Variants in PPP2R2B observed in about 807,000 individuals in gnomAD.
PPP2R2B encodes the protein serine/threonine-protein phosphatase 2A 55 kDa regulatory subunit B beta isoform.
PPP2R2B carries 5 observed loss-of-function variants against 46.0 expected under a neutral mutation model. That is an observed-to-expected ratio of 0.11 (90% CI 0.06 to 0.23). PPP2R2B has a LOEUF of 0.23. Among genes scored for constraint, PPP2R2B ranks in the 10% least tolerant of loss-of-function variants. The probability of loss-of-function intolerance (pLI) is 1.00; values close to 1 mark genes in which losing one functional copy is unlikely to be tolerated. For missense variants in PPP2R2B, 367 were observed against 575.0 expected, an observed-to-expected ratio of 0.64 and a Z score of 3.70; for synonymous variants, 215 against 206.7, an observed-to-expected ratio of 1.04 and a Z score of -0.34.
At chr5:146,749,063 C>G (rs766245767) in intron 2 of PPP2R2B, among the ~76,000 whole-genome samples, 5 of 152,178 alleles carry the variant, frequency 3.3e-5, no homozygotes, top group Admixed American at 6.5e-5. Flanking sequence ...ACTTTCTCTG[C>G]ATTCCAGCAC....
intron 1 of PPP2R2B, among the ~76,000 whole-genome samples, chr5:147,015,052 T>C (rs1210564055): frequency 1.3e-5 from 2 of 152,098 alleles, no homozygotes; most frequent in Admixed American, 6.6e-5. Flanking sequence ...AACCTGTATA[T>C]AGCAGGTAAT....
At chr5:146,901,763 T>C (rs986681256) in intron 1 of PPP2R2B, among the ~76,000 whole-genome samples, 1 of 152,038 alleles carries the variant, frequency 6.6e-6, no homozygotes, top group African/African-American at 2.4e-5. Context: ...ATACTTTCCA[T>C]TGAGGTAACA....
At chr5:146,944,185 C>T (rs371784848) in intron 1 of PPP2R2B, among the ~76,000 whole-genome samples, 3 of 152,114 alleles carry the variant, frequency 2.0e-5, no homozygotes, top group East Asian at 3.9e-4. Flanking sequence ...AAGTGCAATA[C>T]GCTGAGACGT....
chr5:146,965,010 A>G (rs954935428), intron 1 of PPP2R2B, among the ~76,000 whole-genome samples: 1 of 152,136 alleles, frequency 6.6e-6, no homozygotes, highest in African/African-American at 2.4e-5. Flanking sequence ...CTAGCATACC[A>G]TCACCTAAAC....
intron 2 of PPP2R2B, among the ~76,000 whole-genome samples, chr5:146,853,310 T>C (rs563363983): frequency 6.6e-6 from 1 of 152,290 alleles, no homozygotes; most frequent in African/African-American, 2.4e-5. Context: ...CAGTTTAAAA[T>C]GCATAATGAT....
chr5:146,706,495 T>C (rs1779862649), intron 2 of PPP2R2B: 10 of 1,196,630 alleles, frequency 8.4e-6, no homozygotes, highest in Non-Finnish European at 1.1e-5. Flanking sequence ...TTGATGTTCA[T>C]CAGCTTCTGG....
chr5:146,590,385 G>GTTTTTTTGTGTGTTTTTTT (rs1561746750), intron 9 of PPP2R2B, among the ~76,000 whole-genome samples, 159 bp from the exon 10 acceptor site: 1 of 117,732 alleles, frequency 8.5e-6, no homozygotes, highest in African/African-American at 3.0e-5. Flanking sequence ...TTGGCTTTTT[G>GTTTTTTTGTGTGTTTTTTT]TTTTTTTTTT....
intron 1 of PPP2R2B, among the ~76,000 whole-genome samples, chr5:146,965,717 C>T (rs1167164453): frequency 6.6e-6 from 1 of 152,072 alleles, no homozygotes; most frequent in Admixed American, 6.5e-5. Flanking sequence ...AATATAATGC[C>T]CTAATATCAG....
intron 2 of PPP2R2B, chr5:146,707,464 GA>G (rs1779933783): frequency 1.3e-6 from 1 of 755,918 alleles, no homozygotes; most frequent in Non-Finnish European, 2.5e-6. Context: ...GGCCACCCCG[GA>G]AGCTGCTGCT....
intron 1 of PPP2R2B, among the ~76,000 whole-genome samples, chr5:146,930,537 T>A (rs1763935525): frequency 6.6e-6 from 1 of 152,092 alleles, no homozygotes; most frequent in African/African-American, 2.4e-5. Context: ...ATGATCACAG[T>A]TCTACAATTC....
intron 2 of PPP2R2B, among the ~76,000 whole-genome samples, chr5:146,711,874 G>T (rs1217154674): frequency 2.6e-5 from 4 of 152,074 alleles, no homozygotes; most frequent in Non-Finnish European, 5.9e-5. Flanking sequence ...TTAAGTCAAA[G>T]AATTTTTTTT....
rs144001387 is a variant in PPP2R2B, at chr5:146,958,833, A to G, written c.79+96832T>C. On this transcript the variant is annotated intron_variant, in intron 1 of 8. Coordinates refer to the PPP2R2B transcript ENST00000336640. ...TGTGTGAACTTAGCTCTTTGTATGTATTAACCAATTTAAACCTCACAACAA... is the reference window on the plus strand; with the variant it reads ...TGTGTGAACTTAGCTCTTTGTATGTGTTAACCAATTTAAACCTCACAACAA... 5.2e-3 allele frequency among the ~76,000 whole-genome samples: 792 copies of G among 152,294 alleles called. 3 individuals are homozygous for G. The highest frequency in any genetic ancestry group is 0.018 in the African/African-American group (751 of 41,562).
At chr5:147,039,050 T>C (rs905232229) in intron 1 of PPP2R2B, among the ~76,000 whole-genome samples, 5 of 152,194 alleles carry the variant, frequency 3.3e-5, no homozygotes, top group Non-Finnish European at 7.4e-5. Context: ...ATTGAATTTA[T>C]TCCAGCCTTT....
intron 2 of PPP2R2B, among the ~76,000 whole-genome samples, chr5:146,744,904 GC>G (rs1368404744): frequency 3.3e-5 from 5 of 152,058 alleles, no homozygotes; most frequent in Non-Finnish European, 5.9e-5. Flanking sequence ...TCTGGGGGTG[GC>G]CTGTAAACCA....
At chr5:146,812,805 A>ATATATATATG (rs1757687600) in intron 2 of PPP2R2B, among the ~76,000 whole-genome samples, 1 of 57,152 alleles carries the variant, frequency 1.7e-5, no homozygotes, top group Non-Finnish European at 3.3e-5. Flanking sequence ...ATATATATAT[A>ATATATATATG]TATATATATA....
At chr5:147,035,077 A>C (rs1755969897) in intron 1 of PPP2R2B, 1 of 455,290 alleles carries the variant, frequency 2.2e-6, no homozygotes, top group African/African-American at 2.0e-5. Flanking sequence ...TCATTCCCAG[A>C]AGGAAGGTGC....
intron 1 of PPP2R2B, among the ~76,000 whole-genome samples, chr5:146,936,742 T>C (rs1764156437): frequency 6.6e-6 from 1 of 152,082 alleles, no homozygotes; most frequent in Non-Finnish European, 1.5e-5. Context: ...GTTAATACTC[T>C]AACACACCTG....
At chr5:146,632,059 G>GT (rs1774458022) in intron 7 of PPP2R2B, among the ~76,000 whole-genome samples, 2 of 126,364 alleles carry the variant, frequency 1.6e-5, no homozygotes, top group African/African-American at 3.3e-5. Flanking sequence ...GGGCTGAGTT[G>GT]TGCCCCCCCC....
chr5:147,045,976 G>A (rs1044925137), intron 1 of PPP2R2B, among the ~76,000 whole-genome samples: 2 of 152,016 alleles, frequency 1.3e-5, no homozygotes, highest in East Asian at 3.9e-4. Flanking sequence ...CCTGATCTTC[G>A]TGTGCATAAT....
Sources: allele counts gnomAD v4.1 joint callset (sites outside exome capture counted in the v4.1 genomes callset), GRCh38; gene constraint gnomAD v4.1.1; transcripts MANE v1.5; gene names NCBI Gene and HGNC (gene_info 2026-07-23, HGNC 2026-07-21).